The following NRXN3 variants were observed in gnomAD, a reference collection of about 807,000 sequenced individuals.
NRXN3 encodes the protein neurexin 3.
NRXN3 carries 32 observed loss-of-function variants against 137.6 expected under a neutral mutation model. The ratio of observed to expected loss-of-function variants is 0.23; its 90% confidence interval spans 0.18 to 0.31. The LOEUF is 0.31. NRXN3 is among the 10% of genes least tolerant of loss of function. The pLI, the probability that NRXN3 is intolerant of heterozygous loss-of-function variation, is 1.00. For synonymous variants in NRXN3, 798 were observed against 784.5 expected, an observed-to-expected ratio of 1.02 and a Z score of -0.29; for missense variants, 1,574 against 2,062.5, an observed-to-expected ratio of 0.76 and a Z score of 4.59.
intron 4 of NRXN3, among the ~76,000 whole-genome samples, chr14:78,347,430 T>G (rs976669183): frequency 6.6e-6 from 1 of 152,232 alleles, no homozygotes; most frequent in Non-Finnish European, 1.5e-5. Flanking sequence ...CGGAGTGTTT[T>G]ACCAAGCCAC....
chr14:78,236,981 G>T (rs1043850778), intron 1 of NRXN3, among the ~76,000 whole-genome samples: 4 of 152,168 alleles, frequency 2.6e-5, no homozygotes, highest in African/African-American at 9.7e-5. Flanking sequence ...CTAATGGTGT[G>T]GTGTCTGGAG....
At chr14:78,398,431 G>A (rs185727674) in intron 4 of NRXN3, among the ~76,000 whole-genome samples, 8 of 152,046 alleles carry the variant, frequency 5.3e-5, no homozygotes, top group East Asian at 1.9e-4. Flanking sequence ...CTTCTCTGTC[G>A]GGGAAAGGTG....
At chr14:79,768,032 G>A (rs1015796525) in intron 19 of NRXN3, among the ~76,000 whole-genome samples, 3 of 152,198 alleles carry the variant, frequency 2.0e-5, no homozygotes, top group African/African-American at 7.2e-5. Context: ...GGAAAATTGG[G>A]TCACTCCCAC....
chr14:78,328,050 T>C (rs1280266314), intron 4 of NRXN3, among the ~76,000 whole-genome samples: 5 of 152,244 alleles, frequency 3.3e-5, no homozygotes, highest in South Asian at 4.2e-4. Flanking sequence ...AGCAGAAACA[T>C]TCAAGAAAGA....
intron 6 of NRXN3, among the ~76,000 whole-genome samples, chr14:78,703,128 A>G (rs1259345510): frequency 1.3e-5 from 2 of 152,242 alleles, no homozygotes; most frequent in Non-Finnish European, 2.9e-5. Context: ...TTAAGCACCT[A>G]TATAGTTAGG....
intron 19 of NRXN3, among the ~76,000 whole-genome samples, chr14:79,739,700 G>A (rs575477289): frequency 5.8e-4 from 83 of 142,596 alleles, no homozygotes; most frequent in African/African-American, 2.0e-3. Flanking sequence ...CCAATGGTGC[G>A]ATCAGGTGCC....
At chr14:78,960,383 C>G (rs929456367) in intron 11 of NRXN3, among the ~76,000 whole-genome samples, 2 of 152,134 alleles carry the variant, frequency 1.3e-5, no homozygotes, top group Non-Finnish European at 2.9e-5. Flanking sequence ...TAAGTAGTAT[C>G]TCATTGGCTT....
chr14:78,832,062 T>C (rs909013409), intron 10 of NRXN3, among the ~76,000 whole-genome samples: 2 of 152,058 alleles, frequency 1.3e-5, no homozygotes, highest in Non-Finnish European at 2.9e-5. Context: ...GGCACCACTG[T>C]AAGCAAAAGA....
chr14:78,527,593 T>C (rs1327652094), intron 4 of NRXN3, among the ~76,000 whole-genome samples: 2 of 152,202 alleles, frequency 1.3e-5, no homozygotes, highest in Non-Finnish European at 2.9e-5. Flanking sequence ...TATTTTTATG[T>C]CCAGCCTTAC....
chr14:78,631,113 A>G (rs534558504), intron 4 of NRXN3, among the ~76,000 whole-genome samples: 2 of 152,338 alleles, frequency 1.3e-5, no homozygotes, highest in South Asian at 4.1e-4. Context: ...TCATTCAGAT[A>G]AGACCAAGTT....
chr14:78,810,377 T>TA (rs770134012), intron 10 of NRXN3, 33 bp downstream of exon 10: 173,406 of 724,930 alleles, frequency 0.24, 1,115 homozygotes, highest in East Asian at 0.28. Flanking sequence ...TTTTGTTCTT[T>TA]AAAAAAAAAA....
intron 10 of NRXN3, among the ~76,000 whole-genome samples, chr14:78,872,657 T>G (rs1260381922): frequency 6.6e-6 from 1 of 152,162 alleles, no homozygotes; most frequent in Non-Finnish European, 1.5e-5. Flanking sequence ...TCACTAAATC[T>G]AAATAGGTGG....
intron 15 of NRXN3, among the ~76,000 whole-genome samples, chr14:78,998,796 G>A (rs866695190): frequency 1.6e-4 from 23 of 148,316 alleles, no homozygotes; most frequent in African/African-American, 5.2e-4. Context: ...TAGAGACGGG[G>A]TTTCACCATG....
intron 15 of NRXN3, among the ~76,000 whole-genome samples, chr14:79,269,001 CT>C (rs2078881166): frequency 6.6e-6 from 1 of 151,774 alleles, no homozygotes; most frequent in Non-Finnish European, 1.5e-5. Context: ...GTTATTAACT[CT>C]CTCTCATGGT....
intron 19 of NRXN3, among the ~76,000 whole-genome samples, chr14:79,747,318 G>A (rs965064309): frequency 4.0e-5 from 6 of 151,808 alleles, no homozygotes; most frequent in African/African-American, 9.7e-5. Context: ...TAAACCAGAC[G>A]GTGACATGAT....
chr14:79,121,525 A>G (rs2055430856), intron 15 of NRXN3, among the ~76,000 whole-genome samples: 1 of 152,208 alleles, frequency 6.6e-6, no homozygotes, highest in East Asian at 1.9e-4. Context: ...ATTTCACTCT[A>G]AACATTTTCA....
At chr14:78,409,023 A>T (rs2092672451) in intron 4 of NRXN3, among the ~76,000 whole-genome samples, 1 of 152,218 alleles carries the variant, frequency 6.6e-6, no homozygotes, top group Non-Finnish European at 1.5e-5. Context: ...TTTTAATATC[A>T]TGGGATAAAA....
intron 1 of NRXN3, among the ~76,000 whole-genome samples, chr14:78,176,291 T>G (rs2059258528): frequency 6.6e-6 from 1 of 152,122 alleles, no homozygotes; most frequent in Admixed American, 6.5e-5. Flanking sequence ...TAATCACCAT[T>G]CTCATCATCA....
At chr14:78,734,770 G>C (rs2098534054) in intron 8 of NRXN3, among the ~76,000 whole-genome samples, 1 of 152,158 alleles carries the variant, frequency 6.6e-6, no homozygotes, top group Middle Eastern at 3.2e-3. Flanking sequence ...TAGGTAAAAA[G>C]AAGTATGGCA....
Sources: gnomAD v4.1 joint callset for allele counts (sites outside exome capture counted in the v4.1 genomes callset) on GRCh38, gnomAD v4.1.1 for gene constraint, MANE v1.5 for transcripts, NCBI Gene and HGNC (gene_info 2026-07-23, HGNC 2026-07-21) for gene names.